Variants in SAMD8 observed in about 807,000 individuals in gnomAD.
SAMD8 encodes sphingomyelin synthase-related protein 1.
SAMD8 carries 20 observed loss-of-function variants against 42.0 expected under a neutral mutation model. The observed-to-expected ratio is 0.48, with a 90% confidence interval of 0.34 to 0.69. The LOEUF (loss-of-function observed/expected upper bound fraction) is 0.69, where lower values mean the gene tolerates loss of function less well. Ranked by LOEUF, SAMD8 falls within the 30% of genes least tolerant of loss-of-function variation. The pLI, the probability that SAMD8 is intolerant of heterozygous loss-of-function variation, is 0.01. For missense variants in SAMD8, 328 were observed against 511.6 expected, an observed-to-expected ratio of 0.64 and a Z score of 3.46; for synonymous variants, 162 against 173.0, an observed-to-expected ratio of 0.94 and a Z score of 0.50.
At chr10:75,129,591 T>A (rs1849227745) in intron 1 of SAMD8, among the ~76,000 whole-genome samples, 1 of 152,204 alleles carries the variant, frequency 6.6e-6, no homozygotes, top group Non-Finnish European at 1.5e-5. Context: ...ATCTTTAGAT[T>A]TGAATTTGTC....
intron 1 of SAMD8, among the ~76,000 whole-genome samples, chr10:75,120,308 A>T (rs1304337154): frequency 6.6e-6 from 1 of 151,990 alleles, no homozygotes; most frequent in South Asian, 2.1e-4. Flanking sequence ...GTCTCGCTCT[A>T]TTGCCCAGGC....
chr10:75,175,986 G>T, intron 4 of SAMD8, 80 bp from the exon 5 acceptor site: 1 of 1,535,084 alleles, frequency 6.5e-7, no homozygotes. Flanking sequence ...TTCAGCATTT[G>T]AATTTCAATA....
At chr10:75,120,023 G>A (rs1026485998) in intron 1 of SAMD8, among the ~76,000 whole-genome samples, 1 of 152,250 alleles carries the variant, frequency 6.6e-6, no homozygotes, top group Non-Finnish European at 1.5e-5. Flanking sequence ...AGCCGAGATT[G>A]TACCACTGCA....
At chr10:75,163,628 GA>G (rs1358661110) in intron 2 of SAMD8, among the ~76,000 whole-genome samples, 1 of 151,902 alleles carries the variant, frequency 6.6e-6, no homozygotes, top group Non-Finnish European at 1.5e-5. Flanking sequence ...AGAGACCTGG[GA>G]GTTGGGGTTG....
upstream of SAMD8, chr10:75,109,190 T>C (rs905415182): frequency 2.2e-5 from 34 of 1,526,852 alleles, no homozygotes; most frequent in Non-Finnish European, 3.0e-5. Flanking sequence ...GCCTCTGTGG[T>C]CACTCCTCTC....
intron 1 of SAMD8, among the ~76,000 whole-genome samples, chr10:75,146,067 T>A (rs978908405): frequency 6.6e-6 from 1 of 152,096 alleles, no homozygotes; most frequent in Non-Finnish European, 1.5e-5. Flanking sequence ...TCTCCAGTAT[T>A]GTGCCCCATA....
chr10:75,155,583 T>A (rs937645005), intron 2 of SAMD8, among the ~76,000 whole-genome samples: 1 of 152,158 alleles, frequency 6.6e-6, no homozygotes, highest in African/African-American at 2.4e-5. Context: ...TCAGTGACTA[T>A]GACAAGAGTT....
chr10:75,174,265 G>A (rs576872928), intron 4 of SAMD8, among the ~76,000 whole-genome samples: 1 of 152,188 alleles, frequency 6.6e-6, no homozygotes, highest in South Asian at 2.1e-4. Context: ...GAGTAGCTGG[G>A]ACTGCAGGTG....
intron 2 of SAMD8, among the ~76,000 whole-genome samples, chr10:75,152,261 G>C (rs184302923): frequency 6.6e-6 from 1 of 151,292 alleles, no homozygotes; most frequent in Non-Finnish European, 1.5e-5. Context: ...GGTGGCTCAC[G>C]CCTGTAATCC....
At chr10:75,112,316 A>C (rs1564673009) in intron 1 of SAMD8, among the ~76,000 whole-genome samples, 1 of 152,212 alleles carries the variant, frequency 6.6e-6, no homozygotes, top group African/African-American at 2.4e-5. Context: ...TCAAGGGGTG[A>C]GGGAGGCACT....
Position 75,179,225 on chromosome 10 carries a change from G to C in SAMD8, c.*2533G>C, listed in dbSNP as rs1212577883. Reference sequence around the variant, plus strand: ...GCTGGGCGTGGTGATGCATGCCTGTGGTCCCAGCTACATGGGAGGCTGAGG... The same window carrying C: ...GCTGGGCGTGGTGATGCATGCCTGTCGTCCCAGCTACATGGGAGGCTGAGG... On this transcript the variant is annotated 3_prime_UTR_variant, in exon 6 of 6. Transcript: ENST00000542569. The C allele has an allele frequency of 2.0e-5, 3 of 151,766 alleles. No homozygotes were observed. Among genetic ancestry groups the C allele is most frequent in the Admixed American group, 6.6e-5 (1 of 15,206 alleles). 9.4% of individuals were successfully genotyped at this position (151,766 alleles called of 1,614,324 possible).
chr10:75,161,929 C>T (rs1259875023), intron 2 of SAMD8, among the ~76,000 whole-genome samples: 3 of 151,898 alleles, frequency 2.0e-5, no homozygotes, highest in Non-Finnish European at 2.9e-5. Context: ...CCCAGCTACT[C>T]GGGAGGCTGA....
At chr10:75,170,905 C>G (rs1840844570) in intron 4 of SAMD8, among the ~76,000 whole-genome samples, 1 of 150,668 alleles carries the variant, frequency 6.6e-6, no homozygotes, top group South Asian at 2.1e-4. Context: ...TCCCGAGTAG[C>G]TGGGACCATC....
intron 1 of SAMD8, among the ~76,000 whole-genome samples, chr10:75,103,128 T>TC (rs373016252): frequency 7.2e-5 from 11 of 152,300 alleles, no homozygotes; most frequent in African/African-American, 2.6e-4. Context: ...CCCTTGGCCT[T>TC]CAAGGGTATT....
chr10:75,169,318 C>G (rs916294420), intron 4 of SAMD8, among the ~76,000 whole-genome samples: 1 of 150,096 alleles, frequency 6.7e-6, no homozygotes, highest in Non-Finnish European at 1.5e-5. Context: ...AACCCCATCT[C>G]TACTAAAAAT....
chr10:75,111,257 T>A (rs1253206948), upstream of SAMD8, among the ~76,000 whole-genome samples: 3 of 152,226 alleles, frequency 2.0e-5, no homozygotes, highest in Non-Finnish European at 4.4e-5. Flanking sequence ...TCGGATTACC[T>A]CCTTCTAGGC....
At chr10:75,166,971 C>G (rs1020701211) in intron 3 of SAMD8, among the ~76,000 whole-genome samples, 1 of 152,282 alleles carries the variant, frequency 6.6e-6, no homozygotes, top group Non-Finnish European at 1.5e-5. Flanking sequence ...CACACTAATG[C>G]TTGAAACATA....
chr10:75,120,357 C>T (rs1196185061), intron 1 of SAMD8, among the ~76,000 whole-genome samples: 3 of 152,084 alleles, frequency 2.0e-5, no homozygotes, highest in African/African-American at 7.2e-5. Context: ...CCGCAAGCTC[C>T]GCCTCCCAGG....
At chr10:75,103,423 C>T (rs1472574086) in intron 1 of SAMD8, among the ~76,000 whole-genome samples, 1 of 152,198 alleles carries the variant, frequency 6.6e-6, no homozygotes, top group African/African-American at 2.4e-5. Context: ...GCCACTCCCA[C>T]CCTCTGCCAA....
Sources: gnomAD v4.1 joint callset for allele counts (sites outside exome capture counted in the v4.1 genomes callset) on GRCh38, gnomAD v4.1.1 for gene constraint, MANE v1.5 for transcripts, NCBI Gene and HGNC (gene_info 2026-07-23, HGNC 2026-07-21) for gene names.